The following TRMT11 variants were observed in gnomAD, a reference collection of about 807,000 sequenced individuals.
TRMT11 encodes tRNA methyltransferase 11.
A neutral mutation model predicts 62.8 loss-of-function variants in TRMT11; 53 were observed. The observed-to-expected ratio is 0.84, with a 90% CI of 0.68 to 1.06. TRMT11 has a LOEUF of 1.06. Among genes scored for constraint, TRMT11 ranks in the 50% least tolerant of loss-of-function variants. The probability of loss-of-function intolerance (pLI) is 0.00; values close to 1 mark genes in which losing one functional copy is unlikely to be tolerated. For missense variants in TRMT11, 556 were observed against 553.4 expected (o/e 1.00, Z -0.05); for synonymous variants, 188 against 190.3 (o/e 0.99, Z 0.10).
intron 11 of TRMT11, among the ~76,000 whole-genome samples, chr6:126,017,501 A>C (rs755174346): frequency 2.8e-4 from 43 of 151,778 alleles, no homozygotes; most frequent in Admixed American, 1.0e-3. Context: ...CACTCTCCCC[A>C]CTCCAGTATA....
At chr6:126,226,837 T>C in the TRMT11 span, among the ~76,000 whole-genome samples, 1 of 152,132 alleles carries the variant, frequency 6.6e-6, no homozygotes, top group Admixed American at 6.6e-5. Flanking sequence ...AATTCCTAGG[T>C]GTTGTGGGAG....
At chr6:126,002,485 T>A (rs1569739) in intron 7 of TRMT11, among the ~76,000 whole-genome samples, 109,896 of 152,046 alleles carry the variant, frequency 0.72, 40,427 homozygotes, top group East Asian at 0.95. Flanking sequence ...CACTTAAAAA[T>A]ATCCTGTGAA....
chr6:126,039,661 T>G (rs1775807487), downstream of TRMT11, among the ~76,000 whole-genome samples: 1 of 152,096 alleles, frequency 6.6e-6, no homozygotes, highest in African/African-American at 2.4e-5. Flanking sequence ...GAGTCCACAT[T>G]GTGTCCATCA....
At position 126,008,290 on chromosome 6, in the gene TRMT11, A is replaced by G. The variant is rs182353106; in HGVS notation, c.680-102A>G. 9 of 959,370 alleles carry G rather than the reference A, an allele frequency of 9.4e-6. No individual in the cohort carries two copies. In the African/African-American group the frequency reaches 9.6e-5, roughly 10 times the overall value. 59.4% of individuals were successfully genotyped at this position (959,370 alleles called of 1,614,324 possible). On this transcript the variant is annotated intron_variant, in intron 7 of 12. Coordinates refer to ENST00000334379, the MANE Select transcript of TRMT11 (RefSeq NM_001031712.3). ...GTTACGACCAATGTCATTCCAGGATACTCTGCCTGCAGCTAGTTTCTAAGA... is the reference window on the plus strand; with the variant it reads ...GTTACGACCAATGTCATTCCAGGATGCTCTGCCTGCAGCTAGTTTCTAAGA...
chr6:126,163,639 C>T (rs1778223958), intron 21 of TRMT11, among the ~76,000 whole-genome samples: 1 of 152,224 alleles, frequency 6.6e-6, no homozygotes, highest in African/African-American at 2.4e-5. Context: ...ACCAGCTCCT[C>T]TTTGTACCTC....
chr6:126,039,097 T>C lies in TRMT11; in HGVS notation c.*261T>C. On this transcript the variant is annotated 3_prime_UTR_variant, in exon 13 of 13. Transcript: ENST00000334379. ...GATGGAGATAGACTCAAAACAGTTA[T>C]TTTTTTACAATTAATCTACAAAGGG... is the stretch of plus-strand genomic sequence containing the variant. 4.2e-6 allele frequency: 1 copy of C among 236,936 alleles called. No homozygotes were observed. The highest frequency in any genetic ancestry group is 8.0e-6 in the Non-Finnish European group (1 of 124,566). The allele number at this position is 236,936 out of a possible 1,614,324, so 14.7% of individuals were successfully genotyped here.
At chr6:126,126,400 A>G (rs927177878) in intron 21 of TRMT11, among the ~76,000 whole-genome samples, 2 of 152,120 alleles carry the variant, frequency 1.3e-5, no homozygotes, top group Non-Finnish European at 2.9e-5. Context: ...CAGATTCTCA[A>G]CTAGCTTTGA....
chr6:126,212,864 G>T, the TRMT11 span, among the ~76,000 whole-genome samples: 1 of 151,886 alleles, frequency 6.6e-6, no homozygotes, highest in East Asian at 1.9e-4. Flanking sequence ...CAATGTCCTG[G>T]AGCCTTTTCC....
chr6:126,268,382 G>A, the TRMT11 span, among the ~76,000 whole-genome samples: 1 of 152,182 alleles, frequency 6.6e-6, no homozygotes, highest in Non-Finnish European at 1.5e-5. Context: ...CACTGGAGTT[G>A]AGCTGGGGAG....
chr6:126,192,870 G>T (rs987667795), intron 1 of TRMT11, among the ~76,000 whole-genome samples: 3 of 152,072 alleles, frequency 2.0e-5, no homozygotes, highest in Non-Finnish European at 2.9e-5. Context: ...CATTTATCAG[G>T]TATATTGGCG....
the TRMT11 span, among the ~76,000 whole-genome samples, chr6:126,217,652 C>T: frequency 6.6e-6 from 1 of 152,132 alleles, no homozygotes; most frequent in African/African-American, 2.4e-5. Flanking sequence ...ACACAAGCAC[C>T]CCTGTAGCTA....
intron 17 of TRMT11, among the ~76,000 whole-genome samples, chr6:126,093,581 G>GTGTGTATATATATATA (rs1777298410): frequency 1.1e-4 from 4 of 37,068 alleles, no homozygotes; most frequent in Non-Finnish European, 2.2e-4. Context: ...AACAGGATAT[G>GTGTGTATATATATATA]TATGTATATA....
At chr6:126,115,596 C>T (rs1777577918) in intron 20 of TRMT11, among the ~76,000 whole-genome samples, 1 of 152,072 alleles carries the variant, frequency 6.6e-6, no homozygotes, top group Non-Finnish European at 1.5e-5. Context: ...AGAAGTAAAG[C>T]AATTAAAATG....
intron 21 of TRMT11, among the ~76,000 whole-genome samples, chr6:126,143,166 G>A (rs551293217): frequency 6.6e-6 from 1 of 152,110 alleles, no homozygotes; most frequent in East Asian, 1.9e-4. Flanking sequence ...CTAAGTCCCT[G>A]TGCAAATAGG....
downstream of TRMT11, among the ~76,000 whole-genome samples, chr6:126,039,725 C>T (rs946711294): frequency 6.6e-6 from 1 of 152,038 alleles, no homozygotes; most frequent in Non-Finnish European, 1.5e-5. Context: ...ATGCTAATAG[C>T]TTTCTTGCCT....
intron 17 of TRMT11, among the ~76,000 whole-genome samples, chr6:126,080,054 A>G (rs1777125125): frequency 1.3e-5 from 2 of 152,062 alleles, no homozygotes; most frequent in Admixed American, 1.3e-4. Flanking sequence ...TTTTTTATCT[A>G]CATAACAGGA....
chr6:126,239,606 G>A, the TRMT11 span, among the ~76,000 whole-genome samples: 1 of 152,134 alleles, frequency 6.6e-6, no homozygotes, highest in South Asian at 2.1e-4. Flanking sequence ...TCCCTTTGTG[G>A]GCAACCTGAC....
At position 126,064,946 on chromosome 6, in the gene TRMT11, C is replaced by T. The variant is rs567621428; in HGVS notation, c.*1437+11756C>T. 3.9e-5 allele frequency among the ~76,000 whole-genome samples: 6 copies of T among 152,284 alleles called. No individual in the cohort carries two copies. In the South Asian group the frequency reaches 1.0e-3, roughly 26 times the overall value. On this transcript the variant is annotated intron_variant and NMD_transcript_variant, in intron 17 of 22. Transcript: ENST00000648977. ...TAAAAAGTATAATTAGCTGTAATTA[C>T]TTAATACTAGAACAGAAACTGCTTT...
At chr6:126,119,983 AC>A (rs748752862) in intron 21 of TRMT11, among the ~76,000 whole-genome samples, 9 of 152,210 alleles carry the variant, frequency 5.9e-5, no homozygotes, top group Admixed American at 3.9e-4. Flanking sequence ...TGTAAAAGTG[AC>A]CAAATAAAGC....
Sources: gnomAD v4.1 joint callset for allele counts (sites outside exome capture counted in the v4.1 genomes callset) on GRCh38, gnomAD v4.1.1 for gene constraint, MANE v1.5 for transcripts, NCBI Gene and HGNC (gene_info 2026-07-23, HGNC 2026-07-21) for gene names.